The following PEX14 variants were observed in gnomAD, a reference collection of about 807,000 sequenced individuals.
The protein encoded by PEX14 is peroxisomal membrane protein PEX14.
In PEX14, 15 loss-of-function variants were observed where a neutral mutation model predicts 49.5. That is an observed-to-expected ratio of 0.30 (90% CI 0.20 to 0.47). The LOEUF is 0.47. Ranked by LOEUF, PEX14 falls within the 20% of genes least tolerant of loss-of-function variation. The pLI is 1.00. For synonymous variants in PEX14, 210 were observed against 212.7 expected (o/e 0.99, Z 0.11); for missense variants, 398 against 494.8 (o/e 0.80, Z 1.86).
chr1:10,610,773 A>C (rs183341852), intron 4 of PEX14, among the ~76,000 whole-genome samples: 1 of 152,096 alleles, frequency 6.6e-6, no homozygotes, highest in African/African-American at 2.4e-5. Flanking sequence ...GATTACAGGC[A>C]TGAGCCACTG....
At chr1:10,593,683 T>TG (rs1173062604) in intron 3 of PEX14, among the ~76,000 whole-genome samples, 8 of 53,212 alleles carry the variant, frequency 1.5e-4, no homozygotes, top group Admixed American at 1.2e-3. Context: ...TTAGACAGGT[T>TG]GGGGGGCTGG....
chr1:10,533,428 T>C (rs1638705240), intron 2 of PEX14, among the ~76,000 whole-genome samples: 1 of 152,226 alleles, frequency 6.6e-6, no homozygotes, highest in African/African-American at 2.4e-5. Context: ...GCCGGGACTT[T>C]GTCAAATTCC....
At chr1:10,549,388 C>T (rs570635147) in intron 3 of PEX14, among the ~76,000 whole-genome samples, 72 of 152,138 alleles carry the variant, frequency 4.7e-4, no homozygotes, top group Admixed American at 1.8e-3. Flanking sequence ...GGGTCTTGGC[C>T]GAAAGAACAC....
At chr1:10,558,791 C>CTT (rs1256757142) in intron 3 of PEX14, among the ~76,000 whole-genome samples, 1 of 151,104 alleles carries the variant, frequency 6.6e-6, no homozygotes, top group Non-Finnish European at 1.5e-5. Context: ...GAATTGGTGT[C>CTT]TTTGCAGTAT....
rs1376288953 is a variant in PEX14 at position 10,494,635 on chromosome 1, G to C, written c.37-639G>C. Among the ~76,000 whole-genome samples, 2 of 152,212 alleles carry C rather than the reference G, an allele frequency of 1.3e-5. No individual in the cohort carries two copies. The highest frequency in any genetic ancestry group is 2.4e-5 in the African/African-American group (1 of 41,454). ...CCACAGTGCTGCCTGCTCGCCTGGA[G>C]GTTGGTCTGCTTATATGCCAGCCTG... On this transcript the variant is annotated intron_variant, in intron 1 of 8. Coordinates refer to ENST00000356607, the MANE Select transcript of PEX14 (RefSeq NM_004565.3). The surrounding 1 kb of genome is among the most constrained non-coding windows in gnomAD (Gnocchi z 4.3).
At chr1:10,542,551 G>C (rs1355424036) in intron 3 of PEX14, among the ~76,000 whole-genome samples, 1 of 152,188 alleles carries the variant, frequency 6.6e-6, no homozygotes, top group Non-Finnish European at 1.5e-5. Context: ...CACGAGGTCA[G>C]AAAATTGAGA....
At chr1:10,617,561 C>T (rs888797943) in intron 4 of PEX14, among the ~76,000 whole-genome samples, 5 of 152,082 alleles carry the variant, frequency 3.3e-5, no homozygotes, top group African/African-American at 9.7e-5. Flanking sequence ...TCCTCTGGGC[C>T]AGAGCAGCTC....
chr1:10,485,360 T>C (rs1641350390), intron 1 of PEX14, among the ~76,000 whole-genome samples: 2 of 147,772 alleles, frequency 1.4e-5, no homozygotes. Flanking sequence ...TCGCCCAAGC[T>C]GGAGTGCAGT....
At chr1:10,480,728 A>G (rs892832198) in intron 1 of PEX14, among the ~76,000 whole-genome samples, 1 of 152,100 alleles carries the variant, frequency 6.6e-6, no homozygotes, top group African/African-American at 2.4e-5. Context: ...TCTCACGTAT[A>G]GAAAAGTTGA....
intron 3 of PEX14, among the ~76,000 whole-genome samples, chr1:10,595,848 TAAAC>T (rs1640819074): frequency 2.3e-5 from 1 of 43,082 alleles, no homozygotes; most frequent in South Asian, 5.6e-4. Context: ...AGGGTGATGG[TAAAC>T]AACGCAAAGA....
At chr1:10,558,250 C>T (rs1248418069) in intron 3 of PEX14, among the ~76,000 whole-genome samples, 5 of 151,930 alleles carry the variant, frequency 3.3e-5, no homozygotes, top group Admixed American at 1.3e-4. Flanking sequence ...TCAGGTGATC[C>T]GCCCACCTCG....
Position 10,613,844 on chromosome 1 carries a change from TGGCA to T in PEX14, c.299-4484_299-4481del, listed in dbSNP as rs371472150. ...TGCTACCTTGTCTGCCTTGTCTGCATGGCAGGCCAGTCCCTGCTTCCAGAGTGGA... is the reference window on the plus strand; with the variant it reads ...TGCTACCTTGTCTGCCTTGTCTGCATGGCCAGTCCCTGCTTCCAGAGTGGA... On this transcript the variant is annotated intron_variant, in intron 4 of 8. Coordinates refer to ENST00000356607, the MANE Select transcript of PEX14 (RefSeq NM_004565.3). The surrounding 1 kb of genome is among the most constrained non-coding windows in gnomAD (Gnocchi z 5.0). Among the ~76,000 whole-genome samples, 646 of 152,380 alleles carry T rather than the reference TGGCA, an allele frequency of 4.2e-3. 2 individuals carry two copies. Among genetic ancestry groups the T allele is most frequent in the Non-Finnish European group, 6.5e-3 (442 of 68,036 alleles).
chr1:10,598,238 C>G (rs759053657), intron 3 of PEX14, among the ~76,000 whole-genome samples: 1 of 152,206 alleles, frequency 6.6e-6, no homozygotes, highest in Non-Finnish European at 1.5e-5. Context: ...CCACTCTCAG[C>G]AGCTGGAGTG....
At chr1:10,493,944 G>T (rs951815131) in intron 1 of PEX14, among the ~76,000 whole-genome samples, 8 of 152,214 alleles carry the variant, frequency 5.3e-5, no homozygotes, top group African/African-American at 1.4e-4. Context: ...AAGGCAGTCG[G>T]ATGTGTATCT....
intron 2 of PEX14, among the ~76,000 whole-genome samples, chr1:10,515,527 C>T (rs537956828): frequency 1.3e-5 from 2 of 152,188 alleles, no homozygotes; most frequent in African/African-American, 4.8e-5. Flanking sequence ...CTTGTGTGGC[C>T]GAGGATCCCT....
intron 3 of PEX14, among the ~76,000 whole-genome samples, chr1:10,543,165 C>T (rs1557835866): frequency 2.0e-5 from 3 of 152,296 alleles, no homozygotes; most frequent in Admixed American, 6.5e-5. Context: ...GACGGAGTCT[C>T]GCTCTGTCGC....
intron 3 of PEX14, among the ~76,000 whole-genome samples, chr1:10,538,760 CTCGCTG>C (rs1638913431): frequency 6.6e-6 from 1 of 152,202 alleles, no homozygotes; most frequent in Non-Finnish European, 1.5e-5. Context: ...AGCAAATTGG[CTCGCTG>C]GCCGTCTGGA....
At chr1:10,581,018 A>G (rs1054278037) in intron 3 of PEX14, among the ~76,000 whole-genome samples, 9 of 152,074 alleles carry the variant, frequency 5.9e-5, no homozygotes, top group Middle Eastern at 3.2e-3. Context: ...TTATGCTTCT[A>G]GTGGAGGAAG....
intron 3 of PEX14, among the ~76,000 whole-genome samples, chr1:10,587,043 A>AT (rs1640514473): frequency 6.6e-6 from 1 of 152,158 alleles, no homozygotes; most frequent in Admixed American, 6.6e-5. Flanking sequence ...CTGTTACTCT[A>AT]TTTTTTGATC....
Sources: allele counts gnomAD v4.1 joint callset (sites outside exome capture counted in the v4.1 genomes callset), GRCh38; gene constraint gnomAD v4.1.1; non-coding constraint Gnocchi (gnomAD v3.1); transcripts MANE v1.5; gene names NCBI Gene and HGNC (gene_info 2026-07-23, HGNC 2026-07-21).